The following COL28A1 variants were observed in gnomAD, a reference collection of about 807,000 sequenced individuals.
COL28A1 encodes collagen alpha-1(XXVIII) chain.
COL28A1 carries 161 observed loss-of-function variants against 150.2 expected under a neutral mutation model. The ratio of observed to expected loss-of-function variants is 1.07; its 90% CI spans 0.94 to 1.22. COL28A1 has a LOEUF of 1.22. Ranked by LOEUF, COL28A1 falls within the 50% of genes most tolerant of loss-of-function variation. The probability of loss-of-function intolerance (pLI) is 0.00; values close to 1 mark genes in which losing one functional copy is unlikely to be tolerated. For missense variants in COL28A1, 1,617 were observed against 1,388.3 expected, an observed-to-expected ratio of 1.16 and a Z score of -2.62; for synonymous variants, 552 against 469.7, an observed-to-expected ratio of 1.18 and a Z score of -2.26.
chr7:7,361,382 G>T (rs1385096767), intron 33 of COL28A1, among the ~76,000 whole-genome samples: 1 of 152,098 alleles, frequency 6.6e-6, no homozygotes, highest in Non-Finnish European at 1.5e-5. Flanking sequence ...GGGTCAAATG[G>T]TATTTCTGGT....
Position 7,474,609 on chromosome 7 carries a change from C to T in COL28A1, c.1294G>A (p.Gly432Arg), listed in dbSNP as rs1788718183. 7.9e-7 allele frequency: 1 copy of T among 1,270,286 alleles called. No individual in the cohort carries two copies. Among genetic ancestry groups the T allele is most frequent in the Non-Finnish European group, 1.2e-6 (1 of 866,532 alleles). 78.7% of individuals were successfully genotyped at this position (1,270,286 alleles called of 1,614,324 possible). A position where few individuals can be genotyped will look rare whatever the true frequency, so the allele number is the denominator to read the frequency against. The change falls in exon 15 of 35, where the codon GGG becomes AGG. Residue 432 changes from glycine to arginine, a missense_variant. Transcript: ENST00000399429. ...ACCCTATTATACAGTACCTTCTCCC[C>T]TTTGATTGACAGGCCTTGTAATCCC... is the stretch of plus-strand genomic sequence containing the variant. ...PQGLQGLSIK[G>R]EKGDIGPVGP...
chr7:7,430,265 T>C (rs1161377264), intron 25 of COL28A1, among the ~76,000 whole-genome samples: 1 of 152,156 alleles, frequency 6.6e-6, no homozygotes, highest in Non-Finnish European at 1.5e-5. Context: ...CAGCTGGGAT[T>C]ATAGGCGCCC....
chr7:7,454,186 C>T (rs1258152726), intron 16 of COL28A1, among the ~76,000 whole-genome samples: 1 of 152,120 alleles, frequency 6.6e-6, no homozygotes, highest in African/African-American at 2.4e-5. Context: ...TAACAAAAAT[C>T]TGTGGGCCAT....
Position 7,531,421 on chromosome 7 carries a change from G to T in COL28A1, c.608C>A (p.Ser203Tyr). ...AGTGGGTTCACTGGATGAATCCCCA[G>T]AAATCAAACGAAGTTTGGCTTCATT... ...VVNEAKLRLI[S>Y]GDSSSEPTLL... is the part of the protein sequence containing the mutation. Residue 203 changes from serine to tyrosine, a missense_variant, in exon 3 of 35, where the codon TCT becomes TAT. By Grantham distance (144) the Ser-to-Tyr change is moderately radical. Coordinates refer to ENST00000399429, the MANE Select transcript of COL28A1 (RefSeq NM_001037763.3). The T allele has an allele frequency of 1.2e-6, 2 of 1,601,004 alleles. No individual in the cohort carries two copies. The highest frequency in any genetic ancestry group is 1.7e-6 in the Non-Finnish European group (2 of 1,169,402).
chr7:7,382,478 C>T (rs559529518), intron 27 of COL28A1, among the ~76,000 whole-genome samples: 50 of 152,168 alleles, frequency 3.3e-4, no homozygotes, highest in African/African-American at 1.2e-3. Context: ...CAGATTTCTC[C>T]ATCACATTTT....
intron 15 of COL28A1, among the ~76,000 whole-genome samples, chr7:7,460,702 T>A (rs919110503): frequency 4.6e-5 from 7 of 152,246 alleles, no homozygotes. Flanking sequence ...TTTTAACAAC[T>A]GTTTTCTTTA....
At position 7,475,571 on chromosome 7, in the gene COL28A1, A is replaced by G. The variant is rs377386798; in HGVS notation, c.1234-902T>C. Among the ~76,000 whole-genome samples the G allele has an allele frequency of 3.3e-5, 5 of 152,240 alleles. No homozygotes were observed. In the East Asian group the frequency reaches 9.6e-4, roughly 29 times the overall value. On this transcript the variant is annotated intron_variant, in intron 14 of 34. Transcript: ENST00000399429. Reference sequence around the variant, plus strand: ...TCAATAAAGTATGATAATACCTCATATAATATAAAAGTATGTTGAACCTGT... The same window carrying G: ...TCAATAAAGTATGATAATACCTCATGTAATATAAAAGTATGTTGAACCTGT...
chr7:7,367,973 C>T (rs755997681), intron 33 of COL28A1, among the ~76,000 whole-genome samples: 34 of 152,110 alleles, frequency 2.2e-4, no homozygotes, highest in African/African-American at 7.2e-4. Flanking sequence ...GTTAATTCTA[C>T]CCTAGAAATG....
At chr7:7,480,736 C>T (rs1227292648) in intron 13 of COL28A1, among the ~76,000 whole-genome samples, 1 of 152,170 alleles carries the variant, frequency 6.6e-6, no homozygotes. Context: ...GTGCTAGGTT[C>T]TAGGGATAGC....
chr7:7,502,663 G>A (rs1198454942), intron 11 of COL28A1, among the ~76,000 whole-genome samples: 4 of 144,236 alleles, frequency 2.8e-5, no homozygotes, highest in Admixed American at 7.0e-5. Context: ...TAGCATTACC[G>A]TTTTCTTTCT....
At chr7:7,530,871 G>A (rs572369747) in intron 3 of COL28A1, among the ~76,000 whole-genome samples, 1 of 152,242 alleles carries the variant, frequency 6.6e-6, no homozygotes, top group East Asian at 1.9e-4. Context: ...GTAACAATAG[G>A]TGAGACAGAG....
intron 11 of COL28A1, among the ~76,000 whole-genome samples, chr7:7,503,926 T>A (rs1026560010): frequency 2.6e-5 from 4 of 152,212 alleles, no homozygotes; most frequent in East Asian, 1.9e-4. Flanking sequence ...GGCAGTGAAC[T>A]TTGTGCTTAA....
intron 7 of COL28A1, among the ~76,000 whole-genome samples, chr7:7,516,341 A>T (rs933415108): frequency 1.3e-5 from 2 of 152,228 alleles, no homozygotes; most frequent in African/African-American, 4.8e-5. Context: ...TCTAAGATAT[A>T]TAACATCAAG....
At chr7:7,389,542 T>C (rs1309916741) in intron 27 of COL28A1, among the ~76,000 whole-genome samples, 1 of 152,228 alleles carries the variant, frequency 6.6e-6, no homozygotes, top group Non-Finnish European at 1.5e-5. Context: ...TGGAAGTCAA[T>C]AGTAGCTTGA....
the COL28A1 span, among the ~76,000 whole-genome samples, chr7:7,351,148 A>G: frequency 1.1e-4 from 17 of 152,254 alleles, no homozygotes; most frequent in Middle Eastern, 3.4e-3. Context: ...AAGAAGGAAC[A>G]TTCTGGTTTG....
chr7:7,424,383 T>C (rs888603351), intron 25 of COL28A1, among the ~76,000 whole-genome samples: 7 of 152,154 alleles, frequency 4.6e-5, no homozygotes. Flanking sequence ...TGCGGACAGG[T>C]CTTGCTTGGC....
chr7:7,420,761 A>G (rs959263317), intron 25 of COL28A1, among the ~76,000 whole-genome samples: 1 of 152,216 alleles, frequency 6.6e-6, no homozygotes, highest in Non-Finnish European at 1.5e-5. Flanking sequence ...TTCTATCATG[A>G]TTTTTACCAC....
chr7:7,383,179 A>G (rs1313179628), intron 27 of COL28A1, among the ~76,000 whole-genome samples: 1 of 151,910 alleles, frequency 6.6e-6, no homozygotes, highest in African/African-American at 2.4e-5. Context: ...TCTATCTGAA[A>G]TTCATATTTA....
chr7:7,456,016 G>A lies in COL28A1; in HGVS notation c.1371+28C>T, dbSNP rs753066802. The A allele has an allele frequency of 8.1e-6, 13 of 1,613,282 alleles. No homozygotes were observed. The Admixed American group carries it at 2.2e-4, about 27-fold the overall frequency. On this transcript the variant is annotated intron_variant, in intron 16 of 34. Coordinates refer to ENST00000399429, the MANE Select transcript of COL28A1 (RefSeq NM_001037763.3). ...GGATTGGGCTGGAATGTTCTGCACTGAAGGGAAAGGAAGAATGCATTAATT... is the reference window on the plus strand; with the variant it reads ...GGATTGGGCTGGAATGTTCTGCACTAAAGGGAAAGGAAGAATGCATTAATT...
Sources: allele counts gnomAD v4.1 joint callset (sites outside exome capture counted in the v4.1 genomes callset), GRCh38; gene constraint gnomAD v4.1.1; transcripts MANE v1.5; gene names NCBI Gene and HGNC (gene_info 2026-07-23, HGNC 2026-07-21).